The following ICA1 variants were observed in gnomAD, a reference collection of about 807,000 sequenced individuals.
The protein encoded by ICA1 is islet cell autoantigen 1, also known as 69 kDa islet cell autoantigen.
In ICA1, 40 loss-of-function variants were observed where a neutral mutation model predicts 71.0. That is an observed-to-expected ratio of 0.56 (90% confidence interval 0.44 to 0.73). ICA1 has a LOEUF of 0.73. ICA1 is among the 30% of genes least tolerant of loss of function. ICA1 has a pLI of 0.00. For missense variants in ICA1, 578 were observed against 576.5 expected (o/e 1.00, Z -0.03); for synonymous variants, 207 against 209.5 (o/e 0.99, Z 0.10).
chr7:8,195,228 G>A (rs889602861), intron 6 of ICA1, among the ~76,000 whole-genome samples: 6 of 152,248 alleles, frequency 3.9e-5, no homozygotes, highest in Non-Finnish European at 7.3e-5. Flanking sequence ...AAATGCTGGT[G>A]AGGATGTGAG....
At chr7:8,141,660 A>G (rs1455386952) in intron 10 of ICA1, 105 bp downstream of exon 10, 2 of 692,768 alleles carry the variant, frequency 2.9e-6, no homozygotes, top group Non-Finnish European at 4.9e-6. Flanking sequence ...TCTCAGTTGA[A>G]AAAGAAGAAA....
At chr7:8,203,215 C>T (rs1790326804) in intron 6 of ICA1, among the ~76,000 whole-genome samples, 1 of 139,468 alleles carries the variant, frequency 7.2e-6, no homozygotes, top group Non-Finnish European at 1.6e-5. Flanking sequence ...TTTCTAGGCT[C>T]TAAGCCTTAG....
At chr7:8,159,506 G>A (rs1802910545) in intron 6 of ICA1, among the ~76,000 whole-genome samples, 1 of 152,162 alleles carries the variant, frequency 6.6e-6, no homozygotes, top group Non-Finnish European at 1.5e-5. Context: ...GATCTCAGGA[G>A]TTTGAGACCA....
intron 3 of ICA1, among the ~76,000 whole-genome samples, chr7:8,229,987 T>C (rs995227371): frequency 6.6e-6 from 1 of 152,198 alleles, no homozygotes; most frequent in Non-Finnish European, 1.5e-5. Context: ...TTTTTAAAAA[T>C]TGAGGTATAA....
At chr7:8,158,491 A>C (rs1562745148) in intron 7 of ICA1, 36 bp downstream of exon 7, 1 of 1,611,788 alleles carries the variant, frequency 6.2e-7, no homozygotes, top group Non-Finnish European at 8.5e-7. Flanking sequence ...ACCTTGTGCC[A>C]TCCTTGGTTC....
chr7:8,128,005 C>T lies in ICA1; in HGVS notation c.1198G>A (p.Asp400Asn). Residue 400 changes from aspartate (D) to asparagine (N), a missense_variant, in exon 13 of 14, where the codon GAC becomes AAC. Asp to Asn is a conservative substitution (Grantham distance 23). Transcript: ENST00000402384. Reference sequence around the variant, plus strand: ...GGCACTGGCTCCTTCACTTGGCCGTCTCCAAACACAGCGGCCCACTCTTTG... The same window carrying T: ...GGCACTGGCTCCTTCACTTGGCCGTTTCCAAACACAGCGGCCCACTCTTTG... Reference protein sequence around the residue: ...FSKEWAAVFGDGQVKEPVPTM... With the variant: ...FSKEWAAVFGNGQVKEPVPTM... 6.2e-7 allele frequency: 1 copy of T among 1,614,206 alleles called. No individual in the cohort carries two copies.
intron 12 of ICA1, among the ~76,000 whole-genome samples, chr7:8,137,255 C>G (rs940500453): frequency 6.6e-6 from 1 of 151,794 alleles, no homozygotes; most frequent in South Asian, 2.1e-4. Context: ...ACTACCTAGT[C>G]AAATTCAAAC....
At chr7:8,126,683 C>T (rs775752214) in intron 13 of ICA1, among the ~76,000 whole-genome samples, 14 of 152,184 alleles carry the variant, frequency 9.2e-5, no homozygotes, top group East Asian at 1.9e-4. Context: ...GCCAGATAAA[C>T]ATGCTGTTTA....
At chr7:8,145,564 A>G (rs1796561745) in intron 8 of ICA1, among the ~76,000 whole-genome samples, 2 of 152,106 alleles carry the variant, frequency 1.3e-5, no homozygotes, top group African/African-American at 4.8e-5. Context: ...ATTTGATCAT[A>G]TTTATCCTGT....
intron 1 of ICA1, among the ~76,000 whole-genome samples, chr7:8,248,106 C>G (rs1806746328): frequency 6.6e-6 from 1 of 152,180 alleles, no homozygotes; most frequent in Non-Finnish European, 1.5e-5. Flanking sequence ...GTTTCCTAAG[C>G]ACGTCATTTT....
chr7:8,248,108 C>A (rs540484626), intron 1 of ICA1, among the ~76,000 whole-genome samples: 2 of 152,258 alleles, frequency 1.3e-5, no homozygotes, highest in African/African-American at 4.8e-5. Flanking sequence ...TTCCTAAGCA[C>A]GTCATTTTAC....
intron 1 of ICA1, among the ~76,000 whole-genome samples, chr7:8,250,180 C>T (rs990853115): frequency 6.6e-6 from 1 of 152,136 alleles, no homozygotes; most frequent in Non-Finnish European, 1.5e-5. Flanking sequence ...CATCATTTTT[C>T]CTAGATGTTT....
chr7:8,122,386 G>T (rs1157295698), intron 13 of ICA1, among the ~76,000 whole-genome samples: 1 of 152,232 alleles, frequency 6.6e-6, no homozygotes, highest in Non-Finnish European at 1.5e-5. Flanking sequence ...CAGGTCACAA[G>T]GCCTTTCTGG....
At chr7:8,200,352 A>AG (rs1010263614) in intron 6 of ICA1, among the ~76,000 whole-genome samples, 2 of 151,008 alleles carry the variant, frequency 1.3e-5, no homozygotes, top group Non-Finnish European at 3.0e-5. Flanking sequence ...AAAAAAAAAA[A>AG]AAAAAAAAGA....
intron 1 of ICA1, among the ~76,000 whole-genome samples, chr7:8,252,804 T>C (rs1327548385): frequency 6.6e-6 from 1 of 151,942 alleles, no homozygotes; most frequent in Non-Finnish European, 1.5e-5. Context: ...TTTTATATTT[T>C]ACGTTGAAAC....
chr7:8,120,779 A>G (rs1289297330), intron 13 of ICA1, among the ~76,000 whole-genome samples: 2 of 152,266 alleles, frequency 1.3e-5, no homozygotes, highest in African/African-American at 2.4e-5. Flanking sequence ...GAAAGTCTAA[A>G]TCAGCCAGGC....
Position 8,223,831 on chromosome 7 carries a change from C to G in ICA1, c.257-2433G>C, listed in dbSNP as rs1317906062. On this transcript the variant is annotated intron_variant, in intron 4 of 13. Coordinates refer to ENST00000402384, the MANE Select transcript of ICA1 (RefSeq NM_001136020.3). The surrounding 1 kb of genome is among the most constrained non-coding windows in gnomAD (Gnocchi z 4.1). ...GTTCTATTAATAAGGTTTCAATTAT[C>G]TGGGACTTGAGAATTCAGAGACAAA... Among the ~76,000 whole-genome samples, 1 of 152,152 alleles carries G rather than the reference C, an allele frequency of 6.6e-6. No individual in the cohort carries two copies. Among genetic ancestry groups the G allele is most frequent in the African/African-American group, 2.4e-5 (1 of 41,436 alleles).
chr7:8,156,305 C>T (rs1463026606), intron 8 of ICA1, among the ~76,000 whole-genome samples: 1 of 152,200 alleles, frequency 6.6e-6, no homozygotes, highest in Non-Finnish European at 1.5e-5. Context: ...GAAACACATA[C>T]AAATTGCTTG....
intron 6 of ICA1, among the ~76,000 whole-genome samples, chr7:8,199,353 A>G (rs1384653775): frequency 2.0e-5 from 3 of 152,196 alleles, no homozygotes; most frequent in African/African-American, 7.2e-5. Flanking sequence ...GTGTCCATCA[A>G]TAGATGAATG....
Sources: allele counts gnomAD v4.1 joint callset (sites outside exome capture counted in the v4.1 genomes callset), GRCh38; gene constraint gnomAD v4.1.1; non-coding constraint Gnocchi (gnomAD v3.1); transcripts MANE v1.5; gene names NCBI Gene and HGNC (gene_info 2026-07-23, HGNC 2026-07-21).